The following AGMO variants were observed in gnomAD, a reference collection of about 807,000 sequenced individuals.
AGMO encodes the protein alkylglycerol monooxygenase, also known as glyceryl-ether monooxygenase.
In AGMO, 75 loss-of-function variants were observed where a neutral mutation model predicts 60.2. The ratio of observed to expected loss-of-function variants is 1.25; its 90% CI spans 1.03 to 1.51. AGMO has a LOEUF of 1.51. Among genes scored for constraint, AGMO ranks in the 40% most tolerant of loss-of-function variants. The pLI is 0.00. For synonymous variants in AGMO, 261 were observed against 177.1 expected (o/e 1.47, Z -3.76); for missense variants, 763 against 525.5 (o/e 1.45, Z -4.42).
intron 5 of AGMO, among the ~76,000 whole-genome samples, chr7:15,401,864 G>T (rs959650493): frequency 3.3e-5 from 5 of 152,100 alleles, no homozygotes; most frequent in African/African-American, 1.2e-4. Context: ...GAAGTGAAAT[G>T]AAATCTCATA....
intron 3 of AGMO, among the ~76,000 whole-genome samples, chr7:15,508,148 A>G (rs1783570418): frequency 6.6e-6 from 1 of 152,276 alleles, no homozygotes; most frequent in Non-Finnish European, 1.5e-5. Context: ...CAGGGAAAAA[A>G]ATTAGTCCCT....
chr7:15,153,120 C>A, the AGMO span, among the ~76,000 whole-genome samples: 1 of 151,508 alleles, frequency 6.6e-6, no homozygotes, highest in African/African-American at 2.4e-5. Flanking sequence ...TGTTTGTTGG[C>A]CCCTTGTATA....
intron 3 of AGMO, among the ~76,000 whole-genome samples, chr7:15,510,387 A>G (rs1420679563): frequency 6.6e-6 from 1 of 151,848 alleles, no homozygotes; most frequent in Non-Finnish European, 1.5e-5. Flanking sequence ...CATGTTGCCC[A>G]GGCTAATTTT....
At chr7:15,529,478 C>A (rs1395071771) in intron 3 of AGMO, among the ~76,000 whole-genome samples, 1 of 139,768 alleles carries the variant, frequency 7.2e-6, no homozygotes, top group African/African-American at 2.7e-5. Flanking sequence ...GGTTCTACCC[C>A]CTAGAGATTC....
the AGMO span, among the ~76,000 whole-genome samples, chr7:15,118,113 A>G: frequency 2.6e-5 from 4 of 151,762 alleles, no homozygotes; most frequent in Non-Finnish European, 5.9e-5. Context: ...ATTATAAAAC[A>G]GTCAAACATG....
chr7:15,495,815 G>A (rs1783207031), intron 3 of AGMO, among the ~76,000 whole-genome samples: 1 of 121,546 alleles, frequency 8.2e-6, no homozygotes, highest in Admixed American at 9.7e-5. Flanking sequence ...AAGTGGGGAT[G>A]GAGACTCTCT....
the AGMO span, among the ~76,000 whole-genome samples, chr7:15,141,377 A>T: frequency 3.3e-5 from 5 of 152,164 alleles, no homozygotes; most frequent in African/African-American, 1.2e-4. Context: ...TGAGCTCAGG[A>T]GTTTGCAACC....
intron 12 of AGMO, among the ~76,000 whole-genome samples, chr7:15,341,493 T>C (rs1265158128): frequency 6.6e-6 from 1 of 152,192 alleles, no homozygotes; most frequent in Non-Finnish European, 1.5e-5. Context: ...ATCAGCATTT[T>C]GGTCAAGGAC....
At position 15,304,649 on chromosome 7, in the gene AGMO, T is replaced by C. The variant is rs184700480; in HGVS notation, c.1263+60865A>G. Among the ~76,000 whole-genome samples, 729 of 147,188 alleles carry C rather than the reference T, an allele frequency of 5.0e-3. 6 individuals carry two copies. The highest frequency in any genetic ancestry group is 0.019 in the African/African-American group (689 of 36,806). ...GTTTATCTGTTTCAAAAGTCCCTGA[T>C]TCGTACTTTATAGGGCCATGATTTG... On this transcript the variant is annotated intron_variant, in intron 12 of 12. Transcript: ENST00000342526.
At chr7:15,322,488 A>G (rs1178299728) in intron 12 of AGMO, among the ~76,000 whole-genome samples, 6 of 86,070 alleles carry the variant, frequency 7.0e-5, no homozygotes, top group African/African-American at 9.8e-5. Flanking sequence ...ATATATATAA[A>G]TATATATAAA....
At chr7:15,329,870 T>C (rs1334059174) in intron 12 of AGMO, among the ~76,000 whole-genome samples, 1 of 152,072 alleles carries the variant, frequency 6.6e-6, no homozygotes, top group African/African-American at 2.4e-5. Context: ...TTTGTTGGGT[T>C]TGGTAGAGGG....
At chr7:15,285,235 A>C (rs1784069986) in intron 12 of AGMO, among the ~76,000 whole-genome samples, 1 of 151,982 alleles carries the variant, frequency 6.6e-6, no homozygotes, top group African/African-American at 2.4e-5. Flanking sequence ...TAGAACAATC[A>C]GACAGGAGAA....
chr7:15,380,110 G>T (rs978805444), intron 10 of AGMO, among the ~76,000 whole-genome samples: 1 of 152,080 alleles, frequency 6.6e-6, no homozygotes, highest in African/African-American at 2.4e-5. Flanking sequence ...AGACAAGTAT[G>T]CCCTCCGTCT....
chr7:15,547,694 A>T (rs1197248416), intron 2 of AGMO, among the ~76,000 whole-genome samples: 1 of 152,174 alleles, frequency 6.6e-6, no homozygotes, highest in East Asian at 1.9e-4. Context: ...GATTGCTAGC[A>T]CAGCAGTCTG....
chr7:15,222,552 T>C (rs995455001), intron 12 of AGMO, among the ~76,000 whole-genome samples: 2 of 152,104 alleles, frequency 1.3e-5, no homozygotes, highest in East Asian at 3.8e-4. Context: ...CAGTAGTTAT[T>C]AGCAACCATA....
At chr7:15,196,507 G>A (rs4721415), downstream of AGMO, among the ~76,000 whole-genome samples, 19,497 of 152,138 alleles carry the variant, frequency 0.13, 1,447 homozygotes, top group South Asian at 0.27. Context: ...CAACTTTTCT[G>A]CTTATTTCTA....
At chr7:15,380,389 A>T (rs1057441677) in intron 10 of AGMO, among the ~76,000 whole-genome samples, 3 of 152,144 alleles carry the variant, frequency 2.0e-5, no homozygotes, top group African/African-American at 7.2e-5. Flanking sequence ...GAGCAAAATT[A>T]GGAATGAACT....
chr7:15,185,331 C>T, the AGMO span, among the ~76,000 whole-genome samples: 1 of 152,096 alleles, frequency 6.6e-6, no homozygotes, highest in African/African-American at 2.4e-5. Context: ...ACTGGCCTTT[C>T]CACTTGCCTG....
At chr7:15,212,247 TACACACACACACACACACACAC>T (rs57236152) in intron 12 of AGMO, among the ~76,000 whole-genome samples, 9 of 146,370 alleles carry the variant, frequency 6.1e-5, no homozygotes, top group African/African-American at 9.9e-5. Context: ...AGGTGTGGAG[TACACACACACACACACACACAC>T]ACACACACAC....
Sources: gnomAD v4.1 joint callset for allele counts (sites outside exome capture counted in the v4.1 genomes callset) on GRCh38, gnomAD v4.1.1 for gene constraint, MANE v1.5 for transcripts, NCBI Gene and HGNC (gene_info 2026-07-23, HGNC 2026-07-21) for gene names.